Variants in PDE10A observed in about 807,000 individuals in gnomAD.
PDE10A encodes the protein phosphodiesterase 10A, also known as cAMP and cAMP-inhibited cGMP 3',5'-cyclic phosphodiesterase 10A.
A neutral mutation model predicts 97.7 loss-of-function variants in PDE10A; 39 were observed. The observed-to-expected ratio is 0.40, with a 90% CI of 0.31 to 0.52. The LOEUF (loss-of-function observed/expected upper bound fraction) is 0.52. Ranked by LOEUF, PDE10A falls within the 20% of genes least tolerant of loss-of-function variation. The pLI is 0.56. For missense variants in PDE10A, 731 were observed against 1,047.8 expected (o/e 0.70, Z 4.17); for synonymous variants, 371 against 376.8 (o/e 0.98, Z 0.18).
chr6:165,701,761 A>T (rs9365913), intron 1 of PDE10A, among the ~76,000 whole-genome samples: 3 of 148,062 alleles, frequency 2.0e-5, no homozygotes, highest in African/African-American at 7.6e-5. Context: ...GTATGTTTGC[A>T]TGTGTGTATG....
At chr6:165,657,053 T>C (rs1368429375) in intron 1 of PDE10A, among the ~76,000 whole-genome samples, 1 of 152,246 alleles carries the variant, frequency 6.6e-6, no homozygotes, top group Non-Finnish European at 1.5e-5. Context: ...CATCTTTGAA[T>C]TTCCAACACA....
intron 1 of PDE10A, among the ~76,000 whole-genome samples, chr6:165,826,928 CA>C (rs527401917): frequency 1.6e-3 from 239 of 151,058 alleles, no homozygotes; most frequent in African/African-American, 5.7e-3. Flanking sequence ...GGGATGAGCC[CA>C]GGGGGAAGGG....
chr6:165,951,090 G>A (rs1440940862), intron 1 of PDE10A, among the ~76,000 whole-genome samples: 1 of 152,168 alleles, frequency 6.6e-6, no homozygotes. Context: ...AGGCCATGAA[G>A]GTCTTTCTCA....
At chr6:165,525,560 C>T (rs557401787) in intron 2 of PDE10A, among the ~76,000 whole-genome samples, 1 of 152,242 alleles carries the variant, frequency 6.6e-6, no homozygotes, top group African/African-American at 2.4e-5. Context: ...CGAAGATATA[C>T]CCTTGACCAA....
At position 165,448,964 on chromosome 6, in the gene PDE10A, A is replaced by G. The variant is rs143125572; in HGVS notation, c.1158T>C (p.Asp386=). ...SSIIKIATKA[D]GFALYFLGEC... is the part of the protein sequence containing the mutation. ...CTCCAAGGAAATACAGTGCAAATCC[A>G]TCGGCTTTTGTGGCTGCCAAAGTAA... Residue 386 remains aspartate, a synonymous_variant, in exon 5 of 22, where the codon GAT becomes GAC. Coordinates refer to ENST00000539869, the MANE Select transcript of PDE10A (RefSeq NM_001385079.1). 1.4e-5 allele frequency: 23 copies of G among 1,612,896 alleles called. No individual in the cohort carries two copies. In the African/African-American group the frequency reaches 3.1e-4, roughly 22 times the overall value.
Position 165,393,848 on chromosome 6 carries a change from A to T in PDE10A, c.2304-1052T>A, listed in dbSNP as rs139165486. Among the ~76,000 whole-genome samples the T allele has an allele frequency of 4.6e-3, 700 of 152,316 alleles. 4 individuals are homozygous for T. Among genetic ancestry groups the T allele is most frequent in the African/African-American group, 0.016 (662 of 41,572 alleles). On this transcript the variant is annotated intron_variant, in intron 15 of 21. Transcript: ENST00000539869. ...TTGCATTTAAATATTGTGTGTTTAC[A>T]CTGAAAAGGATCAGTTATAAAGTCA...
At chr6:165,612,399 T>C (rs57639717) in intron 1 of PDE10A, among the ~76,000 whole-genome samples, 4,411 of 152,036 alleles carry the variant, frequency 0.029, 200 homozygotes, top group African/African-American at 0.098. Context: ...TCTATTGAGA[T>C]GGAGTCTCAC....
chr6:165,723,848 T>TG (rs1434329499), intron 1 of PDE10A, among the ~76,000 whole-genome samples: 1 of 84,496 alleles, frequency 1.2e-5, no homozygotes, highest in East Asian at 3.6e-4. Flanking sequence ...AAGATAAAGG[T>TG]GTTTTTTTTT....
chr6:165,345,011 C>T (rs16897711), intron 18 of PDE10A, among the ~76,000 whole-genome samples: 9 of 151,968 alleles, frequency 5.9e-5, no homozygotes, highest in Admixed American at 4.6e-4. Context: ...GAACTTCTAA[C>T]GTAATGAATA....
chr6:165,343,246 C>A, intron 19 of PDE10A, 145 bp downstream of exon 19: 1 of 642,170 alleles, frequency 1.6e-6, no homozygotes. Flanking sequence ...TTTGTATCTG[C>A]ATAAGTGCTA....
intron 1 of PDE10A, among the ~76,000 whole-genome samples, chr6:165,899,059 T>A (rs575665571): frequency 5.3e-5 from 8 of 152,188 alleles, no homozygotes; most frequent in African/African-American, 1.7e-4. Flanking sequence ...GTGAGTTCCA[T>A]GGGGACAGGG....
At chr6:165,584,698 G>A (rs1785808227) in intron 1 of PDE10A, among the ~76,000 whole-genome samples, 1 of 152,184 alleles carries the variant, frequency 6.6e-6, no homozygotes, top group Non-Finnish European at 1.5e-5. Context: ...TGTCTGGAAT[G>A]CAGAATACCC....
At chr6:165,621,170 T>C (rs540659178) in intron 1 of PDE10A, among the ~76,000 whole-genome samples, 1 of 152,124 alleles carries the variant, frequency 6.6e-6, no homozygotes, top group South Asian at 2.1e-4. Flanking sequence ...TTTATGTTAC[T>C]AATGAAAATT....
chr6:165,469,684 G>GT (rs1318613532), intron 3 of PDE10A, among the ~76,000 whole-genome samples: 1 of 152,088 alleles, frequency 6.6e-6, no homozygotes, highest in African/African-American at 2.4e-5. Context: ...TTCCATCTGG[G>GT]TGAGAAATTC....
chr6:165,786,822 G>T (rs994227850), intron 1 of PDE10A, among the ~76,000 whole-genome samples: 3 of 152,138 alleles, frequency 2.0e-5, no homozygotes, highest in Admixed American at 6.5e-5. Context: ...GACATTTATA[G>T]ATATCTTTCC....
At chr6:165,598,540 C>T (rs1363103032) in intron 1 of PDE10A, among the ~76,000 whole-genome samples, 2 of 152,062 alleles carry the variant, frequency 1.3e-5, no homozygotes, top group East Asian at 1.9e-4. Flanking sequence ...TGCTGTGTGA[C>T]CTTGGGCAAT....
intron 1 of PDE10A, among the ~76,000 whole-genome samples, chr6:165,696,403 G>A (rs1273865885): frequency 6.6e-6 from 1 of 152,176 alleles, no homozygotes; most frequent in Admixed American, 6.5e-5. Context: ...GTCCTGCCCA[G>A]GATGTGAATC....
At chr6:165,619,920 T>C (rs1788044564) in intron 1 of PDE10A, among the ~76,000 whole-genome samples, 1 of 152,028 alleles carries the variant, frequency 6.6e-6, no homozygotes. Flanking sequence ...AAACATCAGA[T>C]GAGATGAGAT....
At chr6:165,901,620 C>T (rs6936253) in intron 1 of PDE10A, among the ~76,000 whole-genome samples, 14,348 of 152,104 alleles carry the variant, frequency 0.094, 848 homozygotes, top group African/African-American at 0.16. Flanking sequence ...CTGACCAACA[C>T]GGAGAAACTC....
Sources: gnomAD v4.1 joint callset for allele counts (sites outside exome capture counted in the v4.1 genomes callset) on GRCh38, gnomAD v4.1.1 for gene constraint, MANE v1.5 for transcripts, NCBI Gene and HGNC (gene_info 2026-07-23, HGNC 2026-07-21) for gene names.